The following KIZ variants were observed in gnomAD, a reference collection of about 807,000 sequenced individuals.
KIZ encodes the protein kizuna centrosomal protein.
In KIZ, 68 loss-of-function variants were observed where a neutral mutation model predicts 79.6. The ratio of observed to expected loss-of-function variants is 0.85; its 90% confidence interval spans 0.70 to 1.05. The LOEUF (loss-of-function observed/expected upper bound fraction) is 1.05, where lower values mean the gene tolerates loss of function less well. Ranked by LOEUF, KIZ falls within the 50% of genes least tolerant of loss-of-function variation. KIZ has a pLI of 0.00. For missense variants in KIZ, 797 were observed against 800.4 expected (o/e 1.00, Z 0.05); for synonymous variants, 280 against 281.8 (o/e 0.99, Z 0.06).
chr20:21,172,168 C>G (rs940606919), intron 6 of KIZ, among the ~76,000 whole-genome samples: 1 of 152,084 alleles, frequency 6.6e-6, no homozygotes, highest in Non-Finnish European at 1.5e-5. Context: ...CTATAGATAA[C>G]GAGAAAAGGG....
chr20:21,195,355 A>G (rs1323965326), intron 6 of KIZ: 1 of 152,244 alleles, frequency 6.6e-6, no homozygotes, highest in African/African-American at 2.4e-5. Flanking sequence ...GAAGAATTTA[A>G]AAACAATAAC....
At chr20:21,222,360 G>A (rs2036527564) in intron 9 of KIZ, among the ~76,000 whole-genome samples, 1 of 152,074 alleles carries the variant, frequency 6.6e-6, no homozygotes, top group African/African-American at 2.4e-5. Flanking sequence ...TGAACCTCTG[G>A]GAGTGGCACC....
At chr20:21,242,622 G>A (rs916754399) in intron 11 of KIZ, among the ~76,000 whole-genome samples, 2 of 151,984 alleles carry the variant, frequency 1.3e-5, no homozygotes, top group Admixed American at 6.6e-5. Context: ...AAAGAGGAGT[G>A]GAGACTGGAG....
chr20:21,139,159 T>C (rs1177708830), intron 3 of KIZ: 1 of 151,830 alleles, frequency 6.6e-6, no homozygotes, highest in East Asian at 1.9e-4. Flanking sequence ...TTATTCTTTT[T>C]GTTGTTTTAT....
intron 11 of KIZ, among the ~76,000 whole-genome samples, chr20:21,241,361 C>T (rs1445022997): frequency 1.3e-5 from 2 of 152,164 alleles, no homozygotes; most frequent in Admixed American, 6.5e-5. Context: ...TCCTTAGATA[C>T]GAGAGTGGAG....
At chr20:21,151,917 G>GCT (rs2033140289) in intron 4 of KIZ, 1 of 152,224 alleles carries the variant, frequency 6.6e-6, no homozygotes, top group Non-Finnish European at 1.5e-5. Context: ...GAAGCAGCCT[G>GCT]AATGAGCAGC....
intron 2 of KIZ, among the ~76,000 whole-genome samples, chr20:21,132,501 G>A (rs745702868): frequency 4.6e-5 from 7 of 152,066 alleles, no homozygotes; most frequent in Non-Finnish European, 8.8e-5. Flanking sequence ...GGCTGGTCTC[G>A]AACTCCTGAC....
intron 3 of KIZ, among the ~76,000 whole-genome samples, chr20:21,145,079 A>G (rs1314416656): frequency 6.6e-6 from 1 of 152,112 alleles, no homozygotes; most frequent in Non-Finnish European, 1.5e-5. Flanking sequence ...TAAGTTGATG[A>G]TCTAGCAAGT....
intron 3 of KIZ, among the ~76,000 whole-genome samples, chr20:21,142,498 A>G (rs1226725279): frequency 1.3e-5 from 2 of 152,106 alleles, no homozygotes; most frequent in Non-Finnish European, 2.9e-5. Context: ...TGTGGTATTG[A>G]TGATACTCTT....
At chr20:21,243,943 C>T (rs969598194) in intron 11 of KIZ, among the ~76,000 whole-genome samples, 2 of 152,166 alleles carry the variant, frequency 1.3e-5, no homozygotes, top group East Asian at 1.9e-4. Flanking sequence ...GGGGAACATG[C>T]GATCATCCTC....
intron 7 of KIZ, among the ~76,000 whole-genome samples, chr20:21,210,480 A>G (rs550382368): frequency 1.3e-5 from 2 of 152,052 alleles, no homozygotes; most frequent in Non-Finnish European, 2.9e-5. Context: ...TCCCCTGTCC[A>G]CTGTCACTTC....
At chr20:21,211,628 G>A (rs1432585410) in intron 7 of KIZ, among the ~76,000 whole-genome samples, 1 of 152,210 alleles carries the variant, frequency 6.6e-6, no homozygotes, top group African/African-American at 2.4e-5. Context: ...AGCATGAGAT[G>A]TAATAAAGCA....
At chr20:21,126,847 A>G (rs2031509765) in intron 1 of KIZ, among the ~76,000 whole-genome samples, 1 of 152,244 alleles carries the variant, frequency 6.6e-6, no homozygotes, top group African/African-American at 2.4e-5. Context: ...GTGCATATAG[A>G]GAGAAAATTA....
At chr20:21,227,110 T>C (rs760695799) in intron 9 of KIZ, among the ~76,000 whole-genome samples, 28 of 152,168 alleles carry the variant, frequency 1.8e-4, no homozygotes, top group Non-Finnish European at 4.0e-4. Context: ...CATTGGTAAT[T>C]TCCTCCCTTG....
At chr20:21,126,072 A>AC (rs758240308), upstream of KIZ, 11 of 1,404,276 alleles carry the variant, frequency 7.8e-6, no homozygotes, top group East Asian at 1.6e-4. Flanking sequence ...CCCCGGCCGA[A>AC]CGGCCACCCA....
intron 6 of KIZ, among the ~76,000 whole-genome samples, chr20:21,171,860 T>C (rs1186572004): frequency 6.6e-6 from 1 of 152,264 alleles, no homozygotes; most frequent in Non-Finnish European, 1.5e-5. Context: ...AGTCTGATCA[T>C]TCTAGGCAGC....
chr20:21,240,981 G>A (rs759108041), intron 11 of KIZ, among the ~76,000 whole-genome samples: 6 of 152,168 alleles, frequency 3.9e-5, no homozygotes, highest in African/African-American at 9.7e-5. Flanking sequence ...CTTTGCCAAC[G>A]TCTGCCTTAC....
rs146385332 is a variant in KIZ, at chr20:21,177,384, T to C, written c.1352+14225T>C. Among the ~76,000 whole-genome samples, 44 of 152,274 alleles carry C rather than the reference T, an allele frequency of 2.9e-4. 1 individual carries two copies. The highest frequency in any genetic ancestry group is 5.1e-4 in the Non-Finnish European group (35 of 67,990). Reference sequence around the variant, plus strand: ...GCCATTTATATGTTTTATGGAGACGTTGAAGAAATGTTTATTCAGGTCTTT... The same window carrying C: ...GCCATTTATATGTTTTATGGAGACGCTGAAGAAATGTTTATTCAGGTCTTT... On this transcript the variant is annotated intron_variant, in intron 6 of 12. Coordinates refer to ENST00000619189, the MANE Select transcript of KIZ (RefSeq NM_018474.6).
At chr20:21,156,988 C>T (rs1364414797) in intron 4 of KIZ, among the ~76,000 whole-genome samples, 2 of 152,092 alleles carry the variant, frequency 1.3e-5, no homozygotes, top group Non-Finnish European at 2.9e-5. Flanking sequence ...GCCACGCATG[C>T]TGATGCACAC....
Sources: gnomAD v4.1 joint callset for allele counts (sites outside exome capture counted in the v4.1 genomes callset) on GRCh38, gnomAD v4.1.1 for gene constraint, MANE v1.5 for transcripts, NCBI Gene and HGNC (gene_info 2026-07-23, HGNC 2026-07-21) for gene names.